Variants in SLC16A10 observed in about 807,000 individuals in gnomAD.
SLC16A10 encodes the protein solute carrier family 16 member 10.
In SLC16A10, 27 loss-of-function variants were observed where a neutral mutation model predicts 40.0. The ratio of observed to expected loss-of-function variants is 0.67; its 90% CI spans 0.50 to 0.93. SLC16A10 has a LOEUF of 0.93. SLC16A10 is among the 40% of genes least tolerant of loss of function. The pLI is 0.00. For synonymous variants in SLC16A10, 213 were observed against 249.8 expected, an observed-to-expected ratio of 0.85 and a Z score of 1.39; for missense variants, 529 against 658.2, an observed-to-expected ratio of 0.80 and a Z score of 2.15.
At chr6:111,166,793 T>C (rs1384125797) in intron 1 of SLC16A10, among the ~76,000 whole-genome samples, 1 of 152,250 alleles carries the variant, frequency 6.6e-6, no homozygotes, top group Non-Finnish European at 1.5e-5. Context: ...GTCATACATT[T>C]AGAGCCTTGG....
chr6:111,108,726 T>C (rs1247455135), intron 1 of SLC16A10, among the ~76,000 whole-genome samples: 1 of 152,148 alleles, frequency 6.6e-6, no homozygotes, highest in Non-Finnish European at 1.5e-5. Context: ...TTCAGGAGGT[T>C]CTCAAAGAGA....
intron 3 of SLC16A10, among the ~76,000 whole-genome samples, chr6:111,199,166 A>T (rs1442920976): frequency 3.3e-5 from 5 of 152,186 alleles, no homozygotes; most frequent in Non-Finnish European, 7.4e-5. Context: ...TTCAGAATCA[A>T]ATTTAAATTT....
chr6:111,130,128 C>T (rs1353573122), intron 1 of SLC16A10, among the ~76,000 whole-genome samples: 1 of 152,162 alleles, frequency 6.6e-6, no homozygotes, highest in Non-Finnish European at 1.5e-5. Context: ...GCTTCTAACA[C>T]TTATTTGTGT....
At chr6:111,178,488 G>A in intron 3 of SLC16A10, 1 of 524,858 alleles carries the variant, frequency 1.9e-6, no homozygotes, top group Non-Finnish European at 3.9e-6. Flanking sequence ...CCACCACTTT[G>A]GGGGGCTGAT....
At chr6:111,182,561 TC>T (rs1772818985) in intron 3 of SLC16A10, among the ~76,000 whole-genome samples, 38 of 152,130 alleles carry the variant, frequency 2.5e-4, no homozygotes, top group Admixed American at 1.8e-3. Flanking sequence ...CACGTATATG[TC>T]AATGACTTCA....
chr6:111,222,096 C>G lies in SLC16A10; in HGVS notation c.1409C>G (p.Pro470Arg). The change falls in exon 6 of 6, where the codon CCG (proline) becomes CGG (arginine). Residue 470 changes from proline (P) to arginine (R), a missense_variant. Physicochemically the swap from Pro to Arg is moderately radical, Grantham distance 103. Transcript: ENST00000368851. ...GGAGGTGCTGTGCTTTGTTTTATCC[C>G]GTGGATCCATAGTAAGAAGCAAAGA... ...LIGGAVLCFIPWIHSKKQREI... is the reference protein window; with the variant it reads ...LIGGAVLCFIRWIHSKKQREI... 1.9e-6 allele frequency: 3 copies of G among 1,608,224 alleles called. No homozygotes were observed. Among genetic ancestry groups the G allele is most frequent in the African/African-American group, 1.3e-5 (1 of 74,506 alleles).
chr6:111,118,177 A>G (rs1457129109), intron 1 of SLC16A10, among the ~76,000 whole-genome samples: 1 of 152,226 alleles, frequency 6.6e-6, no homozygotes, highest in African/African-American at 2.4e-5. Context: ...AAGAGAAAAC[A>G]TTTACTATGA....
chr6:111,097,920 A>G (rs1249021052), intron 1 of SLC16A10, among the ~76,000 whole-genome samples: 2 of 152,176 alleles, frequency 1.3e-5, no homozygotes, highest in African/African-American at 4.8e-5. Flanking sequence ...GGAAAGGTGC[A>G]TTGGTCTACA....
intron 1 of SLC16A10, among the ~76,000 whole-genome samples, chr6:111,157,938 TG>T: frequency 6.6e-6 from 1 of 150,544 alleles, no homozygotes; most frequent in South Asian, 2.1e-4. Context: ...GAAAAAGAAC[TG>T]TGATCCTAGT....
intron 1 of SLC16A10, among the ~76,000 whole-genome samples, chr6:111,157,527 C>T (rs983116758): frequency 6.6e-6 from 1 of 152,074 alleles, no homozygotes; most frequent in African/African-American, 2.4e-5. Context: ...CGTGATCCGC[C>T]TACCTTGGCC....
In SLC16A10 at chr6:111,217,437, TTTGTTG is replaced by T. The variant is rs552141883; in HGVS notation, c.1087-1353_1087-1348del. On this transcript the variant is annotated intron_variant, in intron 4 of 5. Coordinates refer to ENST00000368851, the MANE Select transcript of SLC16A10 (RefSeq NM_018593.5). ...CTGCTGACTAGTGAATTGTTCAGTT[TTTGTTG>T]TTGTTGTTGTTGTTGTTGTTGTTTG... Among the ~76,000 whole-genome samples the T allele has an allele frequency of 3.1e-3, 436 of 138,610 alleles. 3 individuals carry two copies. Among genetic ancestry groups the T allele is most frequent in the Middle Eastern group, 0.023 (6 of 256 alleles). 90.9% of individuals were successfully genotyped at this position (138,610 alleles called of 152,430 possible).
At chr6:111,112,835 A>G (rs1171166699) in intron 1 of SLC16A10, among the ~76,000 whole-genome samples, 1 of 152,202 alleles carries the variant, frequency 6.6e-6, no homozygotes, top group Non-Finnish European at 1.5e-5. Flanking sequence ...GTTAATTAGG[A>G]TAACTTGACA....
At chr6:111,174,275 G>A (rs1403299004) in intron 2 of SLC16A10, among the ~76,000 whole-genome samples, 1 of 151,940 alleles carries the variant, frequency 6.6e-6, no homozygotes, top group African/African-American at 2.4e-5. Flanking sequence ...CGTTAATGTG[G>A]TCATTAAGGA....
intron 3 of SLC16A10, among the ~76,000 whole-genome samples, chr6:111,203,719 C>CAAATAAATAAAT (rs60881476): frequency 0.14 from 19,823 of 137,826 alleles, 1,592 homozygotes; most frequent in African/African-American, 0.17. Context: ...AACCCCATCT[C>CAAATAAATAAAT]AAATAAATAA....
chr6:111,196,784 G>T (rs1773085965), intron 3 of SLC16A10, among the ~76,000 whole-genome samples: 1 of 152,114 alleles, frequency 6.6e-6, no homozygotes, highest in Non-Finnish European at 1.5e-5. Context: ...CATTGTATTG[G>T]TTATTATAAG....
rs368086576 is a variant in SLC16A10, at chr6:111,192,126, C to T, written c.942+14461C>T. ...TCCTGAATGGTATTGCCTAGGTTTT[C>T]TTCTAAGGTTTTTATGGTTCTGTTG... is the stretch of plus-strand genomic sequence containing the variant. On this transcript the variant is annotated intron_variant, in intron 3 of 5. Coordinates refer to ENST00000368851, the MANE Select transcript of SLC16A10 (RefSeq NM_018593.5). Among the ~76,000 whole-genome samples, 16 of 152,292 alleles carry T rather than the reference C, an allele frequency of 1.1e-4. No individual in the cohort carries two copies. In the East Asian group the frequency reaches 3.1e-3, roughly 29 times the overall value.
chr6:111,144,227 G>A (rs9487590), intron 1 of SLC16A10, among the ~76,000 whole-genome samples: 8,649 of 152,106 alleles, frequency 0.057, 737 homozygotes, highest in African/African-American at 0.19. Flanking sequence ...TTTTTGAGAC[G>A]GAGTCTCTCT....
intron 1 of SLC16A10, among the ~76,000 whole-genome samples, chr6:111,150,513 C>T (rs543059952): frequency 6.6e-6 from 1 of 152,274 alleles, no homozygotes; most frequent in East Asian, 1.9e-4. Flanking sequence ...ATACCTCCCT[C>T]TGCATTTAAA....
chr6:111,179,785 AT>A (rs748931532), intron 3 of SLC16A10, among the ~76,000 whole-genome samples: 1 of 152,016 alleles, frequency 6.6e-6, no homozygotes, highest in Non-Finnish European at 1.5e-5. Flanking sequence ...TTCATTTGAG[AT>A]TTTCTCTTTC....
Sources: gnomAD v4.1 joint callset for allele counts (sites outside exome capture counted in the v4.1 genomes callset) on GRCh38, gnomAD v4.1.1 for gene constraint, MANE v1.5 for transcripts, NCBI Gene and HGNC (gene_info 2026-07-23, HGNC 2026-07-21) for gene names.